KAT2B: variants seen among roughly 807,000 people sequenced by gnomAD.
KAT2B encodes histone acetyltransferase KAT2B.
A neutral mutation model predicts 105.9 loss-of-function variants in KAT2B; 36 were observed. The ratio of observed to expected loss-of-function variants is 0.34; its 90% CI spans 0.26 to 0.45. KAT2B has a LOEUF of 0.45. Ranked by LOEUF, KAT2B falls within the 20% of genes least tolerant of loss-of-function variation. The pLI is 1.00. For missense variants in KAT2B, 820 were observed against 1,021.6 expected (o/e 0.80, Z 2.69); for synonymous variants, 397 against 377.9 (o/e 1.05, Z -0.59).
intron 13 of KAT2B, among the ~76,000 whole-genome samples, chr3:20,144,067 G>C (rs1371511336): frequency 6.6e-6 from 1 of 152,154 alleles, no homozygotes; most frequent in African/African-American, 2.4e-5. Context: ...GATTACTAGA[G>C]GTACAGAGAG....
intron 6 of KAT2B, among the ~76,000 whole-genome samples, chr3:20,114,403 T>C (rs180820004): frequency 1.3e-5 from 2 of 152,340 alleles, no homozygotes; most frequent in Admixed American, 1.3e-4. Context: ...GCCTATCATG[T>C]AGTAAGAGCT....
rs763841855 is a variant in KAT2B, at chr3:20,122,812, G to C, written c.1413+8G>C. Reference sequence around the variant, plus strand: ...GCAATGCTTGGACCAGAGGTCAGCAGGGTAAACCTGGGCAGCCAGCTGGTA... The same window carrying C: ...GCAATGCTTGGACCAGAGGTCAGCACGGTAAACCTGGGCAGCCAGCTGGTA... On this transcript the variant is annotated splice_region_variant and intron_variant, in intron 9 of 17. Transcript: ENST00000263754. 1.4e-5 allele frequency: 22 copies of C among 1,603,792 alleles called. No individual in the cohort carries two copies. Among genetic ancestry groups the C allele is most frequent in the Non-Finnish European group, 1.9e-5 (22 of 1,173,296 alleles).
At chr3:20,109,976 C>A (rs1451510733) in intron 5 of KAT2B, among the ~76,000 whole-genome samples, 1 of 151,986 alleles carries the variant, frequency 6.6e-6, no homozygotes, top group Non-Finnish European at 1.5e-5. Context: ...CCACAGCCAC[C>A]ACCATTTCCA....
At chr3:20,057,685 G>A (rs138099883) in intron 1 of KAT2B, among the ~76,000 whole-genome samples, 2 of 152,314 alleles carry the variant, frequency 1.3e-5, no homozygotes, top group East Asian at 3.9e-4. Context: ...CTAGGCCCCA[G>A]TGTCACCCAG....
chr3:20,114,746 T>C, intron 6 of KAT2B, 136 bp from the exon 7 acceptor site: 1 of 592,258 alleles, frequency 1.7e-6, no homozygotes, highest in Non-Finnish European at 3.0e-6. Context: ...AAATCATAAT[T>C]TGAGTTGTAA....
At chr3:20,122,830 A>G in intron 9 of KAT2B, 26 bp downstream of exon 9, 1 of 1,595,612 alleles carries the variant, frequency 6.3e-7, no homozygotes, top group Non-Finnish European at 8.6e-7. Flanking sequence ...CTGGGCAGCC[A>G]GCTGGTAGAC....
chr3:20,069,635 C>T (rs1344731056), intron 1 of KAT2B, among the ~76,000 whole-genome samples: 2 of 151,598 alleles, frequency 1.3e-5, no homozygotes, highest in African/African-American at 4.9e-5. Flanking sequence ...AAGTGATTCT[C>T]CTGCCTCAGC....
chr3:20,113,697 CTG>C (rs1187818872), intron 6 of KAT2B, among the ~76,000 whole-genome samples: 1 of 152,164 alleles, frequency 6.6e-6, no homozygotes, highest in Admixed American at 6.6e-5. Flanking sequence ...GTCTTGGGCA[CTG>C]TTTCAGAGTG....
At chr3:20,111,451 C>T in intron 5 of KAT2B, 145 bp from the exon 6 acceptor site, 2 of 604,988 alleles carry the variant, frequency 3.3e-6, no homozygotes, top group East Asian at 2.9e-5. Flanking sequence ...CCAAGTTTCA[C>T]TAGCTGGCAG....
chr3:20,048,501 T>G (rs897600230), intron 1 of KAT2B, among the ~76,000 whole-genome samples: 1 of 152,212 alleles, frequency 6.6e-6, no homozygotes, highest in African/African-American at 2.4e-5. Context: ...GATTTAATTC[T>G]GCGGTTGTTA....
At chr3:20,094,552 A>T (rs1698776864) in intron 2 of KAT2B, among the ~76,000 whole-genome samples, 1 of 152,162 alleles carries the variant, frequency 6.6e-6, no homozygotes, top group South Asian at 2.1e-4. Context: ...ACTGTATTTG[A>T]GTAGAAGAGA....
chr3:20,082,176 A>G (rs1166534060), intron 2 of KAT2B, among the ~76,000 whole-genome samples: 1 of 152,044 alleles, frequency 6.6e-6, no homozygotes, highest in Non-Finnish European at 1.5e-5. Context: ...CTGGGATTAC[A>G]GATGCCTGCC....
rs571013242 is a variant in KAT2B, at chr3:20,044,004, G to C, written c.303+3224G>C. Among the ~76,000 whole-genome samples the C allele has an allele frequency of 1.7e-3, 252 of 148,398 alleles. 2 individuals carry two copies. Among genetic ancestry groups the C allele is most frequent in the Non-Finnish European group, 2.9e-3 (196 of 67,266 alleles). ...AATCTGGCCTTTAAACTTCACAAAC[G>C]AAACCAAAAAAGAAGGGAGCTAAGT... On this transcript the variant is annotated intron_variant, in intron 1 of 17. Transcript: ENST00000263754.
At chr3:20,150,011 C>T (rs544308974) in intron 17 of KAT2B, among the ~76,000 whole-genome samples, 3 of 152,268 alleles carry the variant, frequency 2.0e-5, no homozygotes, top group African/African-American at 7.2e-5. Context: ...TAGCAGATCT[C>T]GTCGATCATA....
At chr3:20,062,930 G>GGATATATTTGGATA (rs1698163091) in intron 1 of KAT2B, among the ~76,000 whole-genome samples, 1 of 152,050 alleles carries the variant, frequency 6.6e-6, no homozygotes, top group Non-Finnish European at 1.5e-5. Context: ...ATATTAACCT[G>GGATATATTTGGATA]TTATCAAATA....
intron 1 of KAT2B, among the ~76,000 whole-genome samples, chr3:20,066,249 T>C (rs1698221252): frequency 6.6e-6 from 1 of 152,142 alleles, no homozygotes; most frequent in Admixed American, 6.5e-5. Flanking sequence ...TGTGTCTGTC[T>C]CCAAATCTCC....
chr3:20,077,421 A>G lies in KAT2B; in HGVS notation c.430+4962A>G, dbSNP rs984141928. ...TTCCTTAACCTTTTTGCTGTTTAGT[A>G]TCTCCATCCACAGAATGAAATGGTT... On this transcript the variant is annotated intron_variant, in intron 2 of 17. Coordinates refer to ENST00000263754, the MANE Select transcript of KAT2B (RefSeq NM_003884.5). Among the ~76,000 whole-genome samples the G allele has an allele frequency of 2.6e-5, 4 of 152,328 alleles. No homozygotes were observed. In the East Asian group the frequency reaches 5.8e-4, roughly 22 times the overall value.
In KAT2B at chr3:20,149,495, C is replaced by CAAAAAAAAAAAAAAAAAAAAAAAAAAAA. The variant is rs56091316; in HGVS notation, c.2305+1033_2305+1034insAAAAAAAAAAAAAAAAAAAAAAAAAAAA. 2.7e-3 allele frequency among the ~76,000 whole-genome samples: 116 copies of CAAAAAAAAAAAAAAAAAAAAAAAAAAAA among 42,428 alleles called. 7 individuals carry two copies. The highest frequency in any genetic ancestry group is 4.7e-3 in the South Asian group (3 of 644). The allele number at this position is 42,428 out of a possible 152,430, so 27.8% of individuals were successfully genotyped here. On this transcript the variant is annotated intron_variant, in intron 17 of 17. Transcript: ENST00000263754. The stretch of plus-strand genomic sequence containing the variant: ...TGGGCACTGGAGGGAGACCGTATCT[C>CAAAAAAAAAAAAAAAAAAAAAAAAAAAA]AAAAAAAAAAAAAAAAAAAAAAAAA...
intron 2 of KAT2B, among the ~76,000 whole-genome samples, chr3:20,078,974 C>T (rs1698470308): frequency 6.6e-6 from 1 of 151,136 alleles, no homozygotes; most frequent in Admixed American, 6.6e-5. Context: ...ACTTCCGCCT[C>T]CCAGGTTCAA....
Sources: allele counts gnomAD v4.1 joint callset (sites outside exome capture counted in the v4.1 genomes callset), GRCh38; gene constraint gnomAD v4.1.1; transcripts MANE v1.5; gene names NCBI Gene and HGNC (gene_info 2026-07-23, HGNC 2026-07-21).